The following TTLL12 variants were observed in gnomAD, a reference collection of about 807,000 sequenced individuals.
The protein encoded by TTLL12 is tubulin tyrosine ligase like 12.
In TTLL12, 77 loss-of-function variants were observed where a neutral mutation model predicts 79.6. That is an observed-to-expected ratio of 0.97 (90% CI 0.81 to 1.17). TTLL12 has a LOEUF of 1.17. Ranked by LOEUF, TTLL12 falls within the 50% of genes most tolerant of loss-of-function variation. TTLL12 has a pLI of 0.00. For synonymous variants in TTLL12, 437 were observed against 376.1 expected (o/e 1.16, Z -1.87); for missense variants, 969 against 895.9 (o/e 1.08, Z -1.04).
intron 13 of TTLL12, 35 bp from the exon 14 acceptor site, chr22:43,168,194 C>G: frequency 1.9e-6 from 3 of 1,604,624 alleles, no homozygotes; most frequent in Non-Finnish European, 2.6e-6. Flanking sequence ...TGTGAAGGCT[C>G]GTTGGCCTCC....
chr22:43,174,765 C>T (rs753465366), intron 6 of TTLL12, 150 bp from the exon 7 acceptor site: 19 of 607,194 alleles, frequency 3.1e-5, no homozygotes, highest in Middle Eastern at 4.4e-4. Flanking sequence ...CTGGACAGCC[C>T]GGGTTCAGAC....
chr22:43,180,901 C>T lies in TTLL12; in HGVS notation c.387G>A (p.Glu129=), dbSNP rs1932040382. The change falls in exon 3 of 14, where the codon GAG becomes GAA. Residue 129 remains glutamate, a synonymous_variant. Coordinates refer to ENST00000216129, the MANE Select transcript of TTLL12 (RefSeq NM_015140.4). ...LIDHAWTCRV[E]HARQQLQQVP... Reference sequence around the variant, plus strand: ...CCTGCTGCAGCTGCTGGCGCGCGTGCTCCACACGGCACGTCCAGGCGTGGT... The same window carrying T: ...CCTGCTGCAGCTGCTGGCGCGCGTGTTCCACACGGCACGTCCAGGCGTGGT... 3.7e-6 allele frequency: 6 copies of T among 1,612,644 alleles called. No homozygotes were observed. The South Asian group carries it at 6.6e-5, about 18-fold the overall frequency.
intron 11 of TTLL12, chr22:43,170,236 C>G (rs1048343024): frequency 3.2e-5 from 9 of 284,168 alleles, no homozygotes; most frequent in Non-Finnish European, 6.2e-5. Context: ...GGGCTCAGAA[C>G]CTGAGGGCGA....
Position 43,167,043 on chromosome 22 carries a change from C to T in TTLL12, c.*965G>A, listed in dbSNP as rs1457482351. ...TTTCAGAAACACAATTAGAAAAGAA[C>T]TGGAATTTTACATTTTTCTCCCATA... On this transcript the variant is annotated 3_prime_UTR_variant, in exon 14 of 14. Coordinates refer to ENST00000216129, the MANE Select transcript of TTLL12 (RefSeq NM_015140.4). The T allele has an allele frequency of 5.9e-6, 2 of 340,454 alleles. No homozygotes were observed. The highest frequency in any genetic ancestry group is 2.2e-5 in the African/African-American group (1 of 46,116). The allele number at this position is 340,454 out of a possible 1,614,324, so 21.1% of individuals were successfully genotyped here.
In TTLL12 at chr22:43,186,886, C is replaced by G; in HGVS notation, c.177+7G>C. 1.6e-6 allele frequency: 2 copies of G among 1,287,422 alleles called. No individual in the cohort carries two copies. Among genetic ancestry groups the G allele is most frequent in the African/African-American group, 1.6e-5 (1 of 63,938 alleles). 79.7% of individuals were successfully genotyped at this position (1,287,422 alleles called of 1,614,324 possible). A position where few individuals can be genotyped will look rare whatever the true frequency, so the allele number is the denominator to read the frequency against. On this transcript the variant is annotated splice_region_variant and intron_variant, in intron 1 of 13. Coordinates refer to ENST00000216129, the MANE Select transcript of TTLL12 (RefSeq NM_015140.4). ...CCGCCGCACGTGCCCGCCGCCCTTC[C>G]CCGCACCTCGTGCTCCAGCTTGTGC... is the stretch of plus-strand genomic sequence containing the variant.
intron 3 of TTLL12, 56 bp downstream of exon 3, chr22:43,180,686 G>T: frequency 6.3e-7 from 1 of 1,581,048 alleles, no homozygotes; most frequent in Non-Finnish European, 8.6e-7. Flanking sequence ...ACAGGGCAGC[G>T]GAGGTCTGTG....
In TTLL12 at chr22:43,168,729, G is replaced by A. The variant is rs952264843; in HGVS notation, c.1783+45C>T. Reference sequence around the variant, plus strand: ...TCCAGGCTGTGGCTGGCTGGCGGAGGGGGCGCCTGCTGGTTTGGATCAGGA... The same window carrying A: ...TCCAGGCTGTGGCTGGCTGGCGGAGAGGGCGCCTGCTGGTTTGGATCAGGA... On this transcript the variant is annotated intron_variant, in intron 13 of 13. Coordinates refer to ENST00000216129, the MANE Select transcript of TTLL12 (RefSeq NM_015140.4). 3.2e-6 allele frequency: 5 copies of A among 1,543,980 alleles called. No individual in the cohort carries two copies. In the Admixed American group the frequency reaches 9.8e-5, roughly 30 times the overall value.
chr22:43,169,917 A>C (rs1373750321), intron 11 of TTLL12: 2 of 465,964 alleles, frequency 4.3e-6, no homozygotes, highest in African/African-American at 4.0e-5. Context: ...CTGGGCTGGC[A>C]CCATCCTCAC....
In TTLL12 at chr22:43,172,406, T is replaced by G. The variant is rs771202366; in HGVS notation, c.1490A>C (p.Asn497Thr). The change falls in exon 10 of 14, where the codon AAC (asparagine) becomes ACC (threonine). Residue 497 changes from asparagine to threonine, a missense_variant. By Grantham distance (65) the Asn-to-Thr change is moderately conservative. Coordinates refer to ENST00000216129, the MANE Select transcript of TTLL12 (RefSeq NM_015140.4). ...ACCCAGCCGGCCCTCCACTTACCGG[T>G]TGGAGAACCGCAGCCAGAACACATC... is the stretch of plus-strand genomic sequence containing the variant. ...VYDVFWLRFS[N>T]RAFALNDLDD... The G allele has an allele frequency of 1.2e-6, 2 of 1,613,958 alleles. No individual in the cohort carries two copies. Among genetic ancestry groups the G allele is most frequent in the South Asian group, 1.1e-5 (1 of 91,084 alleles).
intron 11 of TTLL12, 79 bp from the exon 12 acceptor site, chr22:43,169,647 C>T (rs377511100): frequency 2.7e-6 from 4 of 1,480,156 alleles, no homozygotes; most frequent in African/African-American, 2.8e-5. Flanking sequence ...ACTGCCTGGA[C>T]CAGGAGCTTC....
intron 12 of TTLL12, 99 bp downstream of exon 12, chr22:43,169,401 C>T: frequency 9.2e-7 from 1 of 1,085,530 alleles, no homozygotes; most frequent in Non-Finnish European, 1.3e-6. Context: ...AAGGTCCCTC[C>T]CAGCCCATGC....
intron 8 of TTLL12, 87 bp from the exon 9 acceptor site, chr22:43,173,913 A>T: frequency 8.1e-7 from 1 of 1,239,178 alleles, no homozygotes; most frequent in Non-Finnish European, 1.1e-6. Context: ...AGAAGAGGGC[A>T]GCCCACTTCT....
At chr22:43,182,939 C>T in intron 2 of TTLL12, 41 bp downstream of exon 2, 1 of 1,597,112 alleles carries the variant, frequency 6.3e-7, no homozygotes, top group Non-Finnish European at 8.6e-7. Context: ...CCACCTTTCA[C>T]CAAGTGAAGG....
chr22:43,173,580 T>G, intron 9 of TTLL12, 135 bp downstream of exon 9: 12 of 742,610 alleles, frequency 1.6e-5, no homozygotes, highest in Non-Finnish European at 2.3e-5. Context: ...CCCAGAGTGC[T>G]GAGATTACAG....
chr22:43,179,852 A>C lies in TTLL12; in HGVS notation c.695T>G (p.Leu232Arg). 6.3e-7 allele frequency: 1 copy of C among 1,593,568 alleles called. No individual in the cohort carries two copies. Among genetic ancestry groups the C allele is most frequent in the Non-Finnish European group, 8.6e-7 (1 of 1,169,410 alleles). The change falls in exon 4 of 14, where the codon CTG becomes CGG. Residue 232 changes from leucine (L) to arginine (R), a missense_variant. Physicochemically the swap from Leu to Arg is moderately radical, Grantham distance 102. Transcript: ENST00000216129. ...AYTLLWPLRDLDTGEEVTRDF... is the reference protein window; with the variant it reads ...AYTLLWPLRDRDTGEEVTRDF... ...GGTGCTGGACTTACCGCCAGTGTCC[A>C]GGTCCCTCAGGGGCCACAGCAGCGT...
intron 10 of TTLL12, 34 bp downstream of exon 10, chr22:43,172,369 C>A: frequency 6.2e-7 from 1 of 1,607,418 alleles, no homozygotes. Flanking sequence ...TCACCCAGCT[C>A]CCCGACCCTG....
chr22:43,173,163 C>T (rs1189478974), intron 9 of TTLL12, among the ~76,000 whole-genome samples: 1 of 152,212 alleles, frequency 6.6e-6, no homozygotes, highest in African/African-American at 2.4e-5. Flanking sequence ...CTGTGTCCTG[C>T]AATCCCAATA....
rs150151819 is a variant in TTLL12, at chr22:43,179,634, G to A, written c.825C>T (p.Pro275=). 341 of 1,583,568 alleles carry A rather than the reference G, an allele frequency of 2.2e-4. No individual in the cohort carries two copies. The highest frequency in any genetic ancestry group is 1.2e-3 in the South Asian group (104 of 87,186). ...AGGGCTGCACCTGGTAGTGCTCGGC[G>A]GGCGGCTCGGGTGTGCAAGAGCTGA... The part of the protein sequence containing the change: ...LDLSSCTPEP[P]AEHYQAILEE... Residue 275 remains proline, a synonymous_variant, in exon 5 of 14, where the codon CCC becomes CCT. Transcript: ENST00000216129.
At chr22:43,184,844 C>T (rs187826736) in intron 1 of TTLL12, among the ~76,000 whole-genome samples, 2 of 152,330 alleles carry the variant, frequency 1.3e-5, no homozygotes, top group African/African-American at 4.8e-5. Context: ...ACCACAACCC[C>T]TTCATGGCAG....
Sources: allele counts gnomAD v4.1 joint callset (sites outside exome capture counted in the v4.1 genomes callset), GRCh38; gene constraint gnomAD v4.1.1; transcripts MANE v1.5; gene names NCBI Gene and HGNC (gene_info 2026-07-23, HGNC 2026-07-21).